CCDC171: variants seen among roughly 807,000 people sequenced by gnomAD.
The protein encoded by CCDC171 is coiled-coil domain containing 171.
In CCDC171, 177 loss-of-function variants were observed where a neutral mutation model predicts 168.2. That is an observed-to-expected ratio of 1.05 (90% CI 0.93 to 1.19). The LOEUF (loss-of-function observed/expected upper bound fraction) is 1.19. CCDC171 is among the 50% of genes most tolerant of loss of function. The probability of loss-of-function intolerance (pLI) is 0.00; values close to 1 mark genes in which losing one functional copy is unlikely to be tolerated. For missense variants in CCDC171, 1,991 were observed against 1,539.0 expected, an observed-to-expected ratio of 1.29 and a Z score of -4.91; for synonymous variants, 687 against 540.8, an observed-to-expected ratio of 1.27 and a Z score of -3.75.
chr9:15,602,933 C>G (rs1220002720), intron 6 of CCDC171, among the ~76,000 whole-genome samples: 1 of 152,050 alleles, frequency 6.6e-6, no homozygotes, highest in Non-Finnish European at 1.5e-5. Flanking sequence ...GCTGAGATTA[C>G]AGGCGTGAGC....
At chr9:15,952,626 A>G (rs1012992371) in intron 25 of CCDC171, among the ~76,000 whole-genome samples, 2 of 151,958 alleles carry the variant, frequency 1.3e-5, no homozygotes, top group African/African-American at 4.8e-5. Flanking sequence ...TGAACTCCCA[A>G]CCTCAGGTGA....
chr9:15,586,730 C>G (rs545373836), intron 4 of CCDC171, among the ~76,000 whole-genome samples: 4 of 152,152 alleles, frequency 2.6e-5, no homozygotes, highest in Non-Finnish European at 4.4e-5. Flanking sequence ...AGTCTTTTGA[C>G]TGGCAAAACC....
At chr9:15,810,825 T>C (rs1469056210) in intron 21 of CCDC171, among the ~76,000 whole-genome samples, 2 of 152,192 alleles carry the variant, frequency 1.3e-5, no homozygotes, top group Middle Eastern at 3.2e-3. Flanking sequence ...GGCTTCAGCA[T>C]GGGCCGGCCC....
intron 11 of CCDC171, among the ~76,000 whole-genome samples, chr9:15,712,083 AT>A (rs2052711749): frequency 6.6e-6 from 1 of 152,202 alleles, no homozygotes; most frequent in Non-Finnish European, 1.5e-5. Flanking sequence ...GAGAAGATTG[AT>A]GTTGCAGCCC....
intron 21 of CCDC171, among the ~76,000 whole-genome samples, chr9:15,843,093 T>C (rs2060751082): frequency 6.6e-6 from 1 of 152,018 alleles, no homozygotes; most frequent in Non-Finnish European, 1.5e-5. Flanking sequence ...AACAATCAAA[T>C]GTAAGTATTT....
At chr9:15,606,949 G>C (rs1021852877) in intron 6 of CCDC171, among the ~76,000 whole-genome samples, 1 of 152,250 alleles carries the variant, frequency 6.6e-6, no homozygotes, top group Non-Finnish European at 1.5e-5. Flanking sequence ...CTTTTGGTGT[G>C]ATTGGAAAAT....
chr9:15,987,461 TA>T (rs941140491), intron 3 of CCDC171, among the ~76,000 whole-genome samples: 66 of 145,242 alleles, frequency 4.5e-4, no homozygotes, highest in Admixed American at 5.5e-4. Context: ...GTAACAAATG[TA>T]AAAAAAAAAG....
chr9:15,795,751 A>G (rs186995743), intron 21 of CCDC171, among the ~76,000 whole-genome samples: 119 of 152,352 alleles, frequency 7.8e-4, no homozygotes, highest in African/African-American at 2.7e-3. Flanking sequence ...CCTAGCAGCT[A>G]CATGAGAATT....
At chr9:15,890,034 C>G (rs1181199316) in intron 24 of CCDC171, among the ~76,000 whole-genome samples, 2 of 152,118 alleles carry the variant, frequency 1.3e-5, no homozygotes, top group Admixed American at 1.3e-4. Flanking sequence ...AAGATACTGG[C>G]TTTAAACCAA....
At chr9:15,633,496 A>G (rs1411405572) in intron 7 of CCDC171, among the ~76,000 whole-genome samples, 1 of 152,214 alleles carries the variant, frequency 6.6e-6, no homozygotes, top group Non-Finnish European at 1.5e-5. Flanking sequence ...ACCAGTTAGA[A>G]TGGCAATCAT....
intron 18 of CCDC171, among the ~76,000 whole-genome samples, chr9:15,774,666 A>G (rs529551005): frequency 6.6e-6 from 1 of 152,372 alleles, no homozygotes; most frequent in East Asian, 1.9e-4. Flanking sequence ...GCATGTTGAT[A>G]GCAGTACAAT....
intron 18 of CCDC171, among the ~76,000 whole-genome samples, chr9:15,758,243 C>A (rs908356167): frequency 6.6e-6 from 1 of 152,194 alleles, no homozygotes; most frequent in African/African-American, 2.4e-5. Flanking sequence ...TGCCCAAGAC[C>A]ATGGGAACCC....
chr9:15,658,115 A>G (rs2048071469), intron 8 of CCDC171, among the ~76,000 whole-genome samples: 1 of 152,246 alleles, frequency 6.6e-6, no homozygotes, highest in African/African-American at 2.4e-5. Context: ...CTGCTTGGAT[A>G]AAGCCACTAA....
intron 25 of CCDC171, among the ~76,000 whole-genome samples, chr9:15,959,534 T>C (rs143588547): frequency 6.4e-4 from 98 of 152,162 alleles, no homozygotes; most frequent in African/African-American, 2.0e-3. Flanking sequence ...AAAAGACAAA[T>C]AACTGATGAA....
intron 18 of CCDC171, 50 bp downstream of exon 18, chr9:15,745,681 T>C: frequency 9.3e-7 from 1 of 1,075,284 alleles, no homozygotes; most frequent in Middle Eastern, 2.1e-4. Flanking sequence ...AGAACAAATA[T>C]CCAGAAATTC....
chr9:15,719,505 T>C (rs2053332486), intron 11 of CCDC171, among the ~76,000 whole-genome samples: 1 of 151,728 alleles, frequency 6.6e-6, no homozygotes, highest in African/African-American at 2.4e-5. Context: ...AATATATCAT[T>C]ATTCAAGTAC....
At chr9:15,657,055 G>A in intron 7 of CCDC171, 72 bp from the exon 8 acceptor site, 1 of 748,036 alleles carries the variant, frequency 1.3e-6, no homozygotes, top group Non-Finnish European at 2.1e-6. Flanking sequence ...TAATTATAAT[G>A]CTGGACTGTA....
At chr9:15,881,094 A>G (rs1011344008) in intron 24 of CCDC171, among the ~76,000 whole-genome samples, 1 of 152,168 alleles carries the variant, frequency 6.6e-6, no homozygotes, top group Admixed American at 6.5e-5. Context: ...TGTGAATATA[A>G]GAAGTAGTGA....
At chr9:15,610,031 A>G (rs1417681824) in intron 6 of CCDC171, among the ~76,000 whole-genome samples, 1 of 151,932 alleles carries the variant, frequency 6.6e-6, no homozygotes, top group Admixed American at 6.6e-5. Context: ...CAGCCTTTCT[A>G]TTACATTTTA....
Sources: allele counts gnomAD v4.1 joint callset (sites outside exome capture counted in the v4.1 genomes callset), GRCh38; gene constraint gnomAD v4.1.1; transcripts MANE v1.5; gene names NCBI Gene and HGNC (gene_info 2026-07-23, HGNC 2026-07-21).